TRDN: variants seen among roughly 807,000 people sequenced by gnomAD.
TRDN encodes triadin.
Under a neutral mutation model 149.7 loss-of-function variants are expected in TRDN, and 161 were observed. The observed-to-expected ratio is 1.08, with a 90% CI of 0.95 to 1.23. The LOEUF (loss-of-function observed/expected upper bound fraction) is 1.23. Ranked by LOEUF, TRDN falls within the 50% of genes most tolerant of loss-of-function variation. The pLI is 0.00. For missense variants in TRDN, 896 were observed against 823.5 expected, an observed-to-expected ratio of 1.09 and a Z score of -1.08; for synonymous variants, 294 against 250.5, an observed-to-expected ratio of 1.17 and a Z score of -1.64.
chr6:123,366,807 C>T (rs1360149095), intron 19 of TRDN, among the ~76,000 whole-genome samples: 1 of 152,138 alleles, frequency 6.6e-6, no homozygotes, highest in African/African-American at 2.4e-5. Context: ...CATGAGCCAC[C>T]ACGCCCGGCC....
chr6:123,582,835 T>C (rs1218866647), intron 1 of TRDN, among the ~76,000 whole-genome samples: 4 of 130,510 alleles, frequency 3.1e-5, no homozygotes, highest in Non-Finnish European at 6.3e-5. Flanking sequence ...TAATGGGCGA[T>C]GTTTCTCAGG....
chr6:123,523,171 GAATC>G (rs1385962710), intron 5 of TRDN, among the ~76,000 whole-genome samples: 3 of 152,134 alleles, frequency 2.0e-5, no homozygotes, highest in African/African-American at 7.2e-5. Flanking sequence ...CTCCGTATGA[GAATC>G]AAAGAAATAA....
At chr6:123,223,671 T>TCC (rs1326155616) in intron 39 of TRDN, among the ~76,000 whole-genome samples, 3 of 145,744 alleles carry the variant, frequency 2.1e-5, no homozygotes, top group Non-Finnish European at 4.5e-5. Context: ...AGCCTTCCAT[T>TCC]TCTTCCTTCC....
intron 9 of TRDN, among the ~76,000 whole-genome samples, chr6:123,495,763 A>G (rs1778419926): frequency 6.6e-6 from 1 of 152,042 alleles, no homozygotes; most frequent in African/African-American, 2.4e-5. Context: ...GGTGAAATGA[A>G]CAAATTAAAG....
chr6:123,472,942 G>A (rs1777262345), intron 9 of TRDN, among the ~76,000 whole-genome samples: 3 of 152,150 alleles, frequency 2.0e-5, no homozygotes, highest in South Asian at 4.1e-4. Flanking sequence ...AAACCCATCT[G>A]TACATCACCA....
intron 19 of TRDN, among the ~76,000 whole-genome samples, chr6:123,366,579 G>T (rs750059832): frequency 1.9e-4 from 29 of 151,800 alleles, no homozygotes; most frequent in African/African-American, 6.8e-4. Context: ...ATGCAGTGGC[G>T]CAATCTCGAC....
intron 1 of TRDN, among the ~76,000 whole-genome samples, chr6:123,587,917 G>T (rs1234434999): frequency 2.6e-5 from 4 of 152,148 alleles, no homozygotes; most frequent in Admixed American, 1.3e-4. Flanking sequence ...GTGGTGGAAT[G>T]TTATCAGTTA....
At chr6:123,514,999 A>G (rs1405331655) in intron 6 of TRDN, among the ~76,000 whole-genome samples, 1 of 152,066 alleles carries the variant, frequency 6.6e-6, no homozygotes, top group African/African-American at 2.4e-5. Flanking sequence ...AACCTAGATG[A>G]CAGGTTGATA....
At chr6:123,534,777 A>C (rs1780438056) in intron 4 of TRDN, among the ~76,000 whole-genome samples, 1 of 152,184 alleles carries the variant, frequency 6.6e-6, no homozygotes, top group South Asian at 2.1e-4. Flanking sequence ...AGATAGGTGA[A>C]TGTCTCCACT....
At chr6:123,561,412 G>A (rs1339331165) in intron 2 of TRDN, among the ~76,000 whole-genome samples, 1 of 152,116 alleles carries the variant, frequency 6.6e-6, no homozygotes, top group Admixed American at 6.5e-5. Context: ...AGGCGGGTCT[G>A]TCCTCGGAAT....
At chr6:123,571,642 T>C (rs770321827) in intron 1 of TRDN, among the ~76,000 whole-genome samples, 5 of 152,086 alleles carry the variant, frequency 3.3e-5, no homozygotes, top group Non-Finnish European at 5.9e-5. Context: ...AATATAAAAA[T>C]AAAATAAATA....
chr6:123,594,250 C>A (rs1562414378), intron 1 of TRDN, among the ~76,000 whole-genome samples: 1 of 152,006 alleles, frequency 6.6e-6, no homozygotes, highest in East Asian at 1.9e-4. Context: ...ATATTAGATT[C>A]TTTAAATAAG....
At chr6:123,325,222 T>C (rs1364158942) in intron 23 of TRDN, among the ~76,000 whole-genome samples, 1 of 152,142 alleles carries the variant, frequency 6.6e-6, no homozygotes, top group African/African-American at 2.4e-5. Flanking sequence ...AGCATAAAAA[T>C]CTTGGCTAAT....
At chr6:123,491,084 G>A (rs1269082239) in intron 9 of TRDN, among the ~76,000 whole-genome samples, 2 of 132,286 alleles carry the variant, frequency 1.5e-5, no homozygotes, top group Non-Finnish European at 3.3e-5. Flanking sequence ...CCAGCCTGGC[G>A]ACAGAGTGAG....
chr6:123,456,933 G>T (rs187016602), intron 10 of TRDN: 2 of 439,636 alleles, frequency 4.5e-6, no homozygotes, highest in East Asian at 7.2e-5. Flanking sequence ...AGACCAGATC[G>T]CAAACAAATG....
chr6:123,435,120 C>T (rs1774497540), intron 12 of TRDN, among the ~76,000 whole-genome samples: 1 of 149,678 alleles, frequency 6.7e-6, no homozygotes. Context: ...TAACTAAATG[C>T]ATATATTTTA....
chr6:123,636,633 T>A (rs1014318532), intron 1 of TRDN, 121 bp downstream of exon 1: 1 of 1,150,640 alleles, frequency 8.7e-7, no homozygotes, highest in Non-Finnish European at 1.3e-6. Flanking sequence ...CTGTATAGAA[T>A]CATTGACCAA....
chr6:123,299,175 G>T (rs948464293), intron 24 of TRDN, among the ~76,000 whole-genome samples: 3 of 151,900 alleles, frequency 2.0e-5, no homozygotes, highest in African/African-American at 7.3e-5. Flanking sequence ...TAAGAAATGG[G>T]CCCCTACTAT....
At chr6:123,274,761 T>C in intron 26 of TRDN, 91 bp from the exon 27 acceptor site, 4 of 1,279,410 alleles carry the variant, frequency 3.1e-6, no homozygotes, top group East Asian at 2.6e-5. Context: ...TTGGTTATCA[T>C]AATTGGGAGG....
Sources: gnomAD v4.1 joint callset for allele counts (sites outside exome capture counted in the v4.1 genomes callset) on GRCh38, gnomAD v4.1.1 for gene constraint, MANE v1.5 for transcripts, NCBI Gene and HGNC (gene_info 2026-07-23, HGNC 2026-07-21) for gene names.